SLA: variants seen among roughly 807,000 people sequenced by gnomAD.
SLA encodes Src like adaptor, also known as src-like-adapter.
A neutral mutation model predicts 30.3 loss-of-function variants in SLA; 16 were observed. The observed-to-expected ratio is 0.53, with a 90% CI of 0.36 to 0.80. SLA has a LOEUF of 0.80. Among genes scored for constraint, SLA ranks in the 30% least tolerant of loss-of-function variants. The probability of loss-of-function intolerance (pLI) is 0.01; values close to 1 mark genes in which losing one functional copy is unlikely to be tolerated. For missense variants in SLA, 310 were observed against 345.2 expected (o/e 0.90, Z 0.81); for synonymous variants, 143 against 137.8 (o/e 1.04, Z -0.26).
At chr8:133,063,749 C>A (rs1020835056) in intron 2 of SLA, 5 of 152,222 alleles carry the variant, frequency 3.3e-5, no homozygotes, top group Non-Finnish European at 7.3e-5. Context: ...ACCAAAAAAA[C>A]CATCAGGTCT....
chr8:133,040,359 C>CAG, intron 7 of SLA: 1 of 528,838 alleles, frequency 1.9e-6, no homozygotes, highest in African/African-American at 1.9e-5. Context: ...CAGGCATGGG[C>CAG]AGAGAGAGAG....
At chr8:133,038,801 G>A (rs182796212) in intron 8 of SLA, 64 bp from the exon 9 acceptor site, 2 of 1,079,010 alleles carry the variant, frequency 1.9e-6, no homozygotes, top group Non-Finnish European at 2.8e-6. Flanking sequence ...GAGAGGAGGA[G>A]ATAAAGGGCA....
chr8:133,093,146 T>TTCTTTTC (rs879559542), intron 1 of SLA, among the ~76,000 whole-genome samples: 6 of 139,086 alleles, frequency 4.3e-5, no homozygotes, highest in African/African-American at 1.5e-4. Context: ...TTTCTTTTTT[T>TTCTTTTC]TTTTTAATTT....
At chr8:133,096,399 T>A in intron 1 of SLA, 1 of 1,613,814 alleles carries the variant, frequency 6.2e-7, no homozygotes, top group Non-Finnish European at 8.5e-7. Flanking sequence ...GCCTCGGATG[T>A]CTCCAGCTGG....
At chr8:133,101,684 ATTGAATTCCTCCCCTCAGAAGGGC>A (rs1223933812) in intron 1 of SLA, among the ~76,000 whole-genome samples, 1 of 152,202 alleles carries the variant, frequency 6.6e-6, no homozygotes, top group Non-Finnish European at 1.5e-5. Flanking sequence ...TAAAATACAA[ATTGAATTCCTCCCCTCAGAAGGGC>A]TTGCAGTCAG....
At chr8:133,062,413 C>T (rs185534850) in intron 2 of SLA, among the ~76,000 whole-genome samples, 1 of 152,388 alleles carries the variant, frequency 6.6e-6, no homozygotes, top group Admixed American at 6.5e-5. Context: ...AGAAACACAG[C>T]AGGTGGCGTG....
In SLA at chr8:133,045,114, C is replaced by T. The variant is rs1839068731; in HGVS notation, c.354G>A (p.Gly118=). ...TGTGTCTCACCGACAGTGAGTAAAA[C>T]CCTGCAGGAGGTGGAGGATAAGTCA... ...FMIRESETKK[G]FYSLSVRHRQ... is the part of the protein sequence containing the mutation. Residue 118 remains glycine (G), a splice_region_variant and synonymous_variant, in exon 7 of 9, where the codon GGG becomes GGA. Transcript: ENST00000338087. 6.2e-7 allele frequency: 1 copy of T among 1,614,014 alleles called. No individual in the cohort carries two copies. The highest frequency in any genetic ancestry group is 1.7e-5 in the Admixed American group (1 of 60,006).
At chr8:133,074,488 A>G (rs952988606) in intron 2 of SLA, among the ~76,000 whole-genome samples, 1 of 152,186 alleles carries the variant, frequency 6.6e-6, no homozygotes, top group Non-Finnish European at 1.5e-5. Flanking sequence ...TGAGAAAATG[A>G]AGGTCTGGAG....
At chr8:133,061,444 CT>C (rs1360807737) in intron 2 of SLA, among the ~76,000 whole-genome samples, 2 of 152,224 alleles carry the variant, frequency 1.3e-5, no homozygotes, top group East Asian at 3.8e-4. Context: ...TTAGTTATTA[CT>C]CTGTTTACTG....
Position 133,063,233 on chromosome 8 carries a change from A to G in SLA, c.-40-3033T>C, listed in dbSNP as rs535018672. Among the ~76,000 whole-genome samples, 193 of 121,938 alleles carry G rather than the reference A, an allele frequency of 1.6e-3. 1 individual carries two copies. The highest frequency in any genetic ancestry group is 2.8e-3 in the Non-Finnish European group (162 of 58,036). 80.0% of individuals were successfully genotyped at this position (121,938 alleles called of 152,430 possible). A position where few individuals can be genotyped will look rare whatever the true frequency, so the allele number is the denominator to read the frequency against. ...TGATTGTGCCCAGAACCCCGCCCCC[A>G]TAAGTTCCACCCCTCCAGATGCCAG... On this transcript the variant is annotated intron_variant, in intron 2 of 8. Coordinates refer to ENST00000338087, the MANE Select transcript of SLA (RefSeq NM_001045556.3).
intron 5 of SLA, 119 bp from the exon 6 acceptor site, chr8:133,048,052 A>T: frequency 1.6e-6 from 1 of 612,520 alleles, no homozygotes; most frequent in Non-Finnish European, 2.9e-6. Flanking sequence ...ACCCACTGAG[A>T]CAGGAAGCAT....
chr8:133,050,264 T>C (rs1840154819), intron 4 of SLA: 1 of 480,044 alleles, frequency 2.1e-6, no homozygotes, highest in African/African-American at 1.9e-5. Context: ...TGTTCCCAAC[T>C]GTTGGAGGCT....
At chr8:133,096,165 G>A in intron 1 of SLA, 1 of 1,611,966 alleles carries the variant, frequency 6.2e-7, no homozygotes, top group Non-Finnish European at 8.5e-7. Flanking sequence ...CAGTGCAACT[G>A]ATTATTCCAG....
Position 133,074,865 on chromosome 8 carries a change from G to A in SLA, c.-53C>T. On this transcript the variant is annotated 5_prime_UTR_variant, in exon 2 of 9. Transcript: ENST00000338087. ...ACTCCCAAAATACCTTCACACACTGGGCATGACTCCTGTGGGAGCTGTCTG... is the reference window on the plus strand; with the variant it reads ...ACTCCCAAAATACCTTCACACACTGAGCATGACTCCTGTGGGAGCTGTCTG... The A allele has an allele frequency of 3.0e-6, 3 of 985,534 alleles. No individual in the cohort carries two copies. The highest frequency in any genetic ancestry group is 3.6e-6 in the Non-Finnish European group (3 of 830,006). The allele number at this position is 985,534 out of a possible 1,614,324, so 61.0% of individuals were successfully genotyped here. A position where few individuals can be genotyped will look rare whatever the true frequency, so the allele number is the denominator to read the frequency against.
At chr8:133,068,182 C>T (rs1226330080) in intron 2 of SLA, among the ~76,000 whole-genome samples, 3 of 152,230 alleles carry the variant, frequency 2.0e-5, no homozygotes, top group African/African-American at 4.8e-5. Flanking sequence ...CAAGGTCACA[C>T]ATTAAGTTTG....
At chr8:133,046,966 G>A (rs1454538041) in intron 6 of SLA, 1 of 152,110 alleles carries the variant, frequency 6.6e-6, no homozygotes, top group Non-Finnish European at 1.5e-5. Context: ...TGTACAAGAA[G>A]CAAGCCAAGA....
In SLA at chr8:133,036,789, A is replaced by C. The variant is rs1368710856; in HGVS notation, c.*1735T>G. 1 of 152,672 alleles carries C rather than the reference A, an allele frequency of 6.5e-6. No individual in the cohort carries two copies. The highest frequency in any genetic ancestry group is 1.5e-5 in the Non-Finnish European group (1 of 68,052). 9.5% of individuals were successfully genotyped at this position (152,672 alleles called of 1,614,324 possible). Reference sequence around the variant, plus strand: ...CAGGAATAAATACATGATTTAGCAAAGTGTAATGCTTCCCACTGAGAAATC... The same window carrying C: ...CAGGAATAAATACATGATTTAGCAACGTGTAATGCTTCCCACTGAGAAATC... On this transcript the variant is annotated 3_prime_UTR_variant, in exon 9 of 9. Coordinates refer to ENST00000338087, the MANE Select transcript of SLA (RefSeq NM_001045556.3).
At chr8:133,079,240 C>A (rs1262477837) in intron 1 of SLA, among the ~76,000 whole-genome samples, 2 of 152,182 alleles carry the variant, frequency 1.3e-5, no homozygotes, top group Admixed American at 1.3e-4. Flanking sequence ...CCAGTACCAT[C>A]TGTGTAGGAA....
At chr8:133,096,390 C>A in intron 1 of SLA, 1 of 1,614,038 alleles carries the variant, frequency 6.2e-7, no homozygotes, top group South Asian at 1.1e-5. Flanking sequence ...AGGGAGGGGG[C>A]CTCGGATGTC....
Sources: gnomAD v4.1 joint callset for allele counts (sites outside exome capture counted in the v4.1 genomes callset) on GRCh38, gnomAD v4.1.1 for gene constraint, MANE v1.5 for transcripts, NCBI Gene and HGNC (gene_info 2026-07-23, HGNC 2026-07-21) for gene names.